The following MXD1 variants were observed in gnomAD, a reference collection of about 807,000 sequenced individuals.
MXD1 encodes the protein MAX dimerization protein 1, also known as MAX-binding protein.
A neutral mutation model predicts 25.7 loss-of-function variants in MXD1; 9 were observed. The ratio of observed to expected loss-of-function variants is 0.35; its 90% CI spans 0.21 to 0.61. The LOEUF is 0.61. Among genes scored for constraint, MXD1 ranks in the 20% least tolerant of loss-of-function variants. The pLI is 0.75. For missense variants in MXD1, 227 were observed against 292.4 expected, an observed-to-expected ratio of 0.78 and a Z score of 1.63; for synonymous variants, 99 against 113.9, an observed-to-expected ratio of 0.87 and a Z score of 0.83.
At chr2:69,927,451 C>G (rs532486044) in intron 3 of MXD1, among the ~76,000 whole-genome samples, 3 of 152,314 alleles carry the variant, frequency 2.0e-5, no homozygotes, top group African/African-American at 7.2e-5. Context: ...GAAGAACTCA[C>G]ATTTGTACCA....
At chr2:69,922,503 A>T (rs1440018942) in intron 3 of MXD1, among the ~76,000 whole-genome samples, 1 of 152,244 alleles carries the variant, frequency 6.6e-6, no homozygotes, top group Non-Finnish European at 1.5e-5. Context: ...CATTATACAC[A>T]TACACTTGTA....
At chr2:69,920,160 TG>T (rs1677038728) in intron 2 of MXD1, among the ~76,000 whole-genome samples, 1 of 152,132 alleles carries the variant, frequency 6.6e-6, no homozygotes, top group African/African-American at 2.4e-5. Context: ...GGCTAATTTT[TG>T]TATTTTAGTA....
chr2:69,928,557 A>T (rs1193725170), intron 3 of MXD1, among the ~76,000 whole-genome samples: 1 of 152,072 alleles, frequency 6.6e-6, no homozygotes, highest in African/African-American at 2.4e-5. Flanking sequence ...TAGGGACTTG[A>T]TCTTACTCAA....
At chr2:69,922,952 A>G (rs1677095206) in intron 3 of MXD1, among the ~76,000 whole-genome samples, 1 of 151,428 alleles carries the variant, frequency 6.6e-6, no homozygotes, top group South Asian at 2.1e-4. Context: ...TTCAGTAATT[A>G]TCAACATTTT....
At chr2:69,927,342 T>C (rs533636566) in intron 3 of MXD1, among the ~76,000 whole-genome samples, 3 of 152,224 alleles carry the variant, frequency 2.0e-5, no homozygotes, top group Admixed American at 6.5e-5. Context: ...CTCTGGGATG[T>C]TGTAACAAGT....
chr2:69,923,368 A>G (rs913662643), intron 3 of MXD1, among the ~76,000 whole-genome samples: 12 of 152,186 alleles, frequency 7.9e-5, no homozygotes, highest in African/African-American at 2.7e-4. Context: ...GTGCTTTCTC[A>G]GTGCCCTGCA....
chr2:69,938,073 CCTT>C (rs762136621), intron 5 of MXD1, 21 bp from the exon 6 acceptor site: 4 of 1,608,714 alleles, frequency 2.5e-6, no homozygotes, highest in Non-Finnish European at 2.5e-6. Flanking sequence ...TCATCAATGT[CCTT>C]CTCTCTTGTC....
At chr2:69,926,213 T>C (rs779470088) in intron 3 of MXD1, among the ~76,000 whole-genome samples, 1 of 152,222 alleles carries the variant, frequency 6.6e-6, no homozygotes, top group Non-Finnish European at 1.5e-5. Flanking sequence ...CTTCCCTCAC[T>C]GATTCAAGTT....
intron 2 of MXD1, among the ~76,000 whole-genome samples, chr2:69,920,836 T>C (rs983526642): frequency 3.9e-5 from 6 of 152,194 alleles, no homozygotes; most frequent in African/African-American, 7.2e-5. Flanking sequence ...AGGGGCCACA[T>C]TGACTTCTTA....
intron 2 of MXD1, among the ~76,000 whole-genome samples, chr2:69,921,436 G>T (rs781175303): frequency 1.0e-3 from 152 of 152,212 alleles, no homozygotes; most frequent in Non-Finnish European, 1.1e-3. Context: ...ACATTGCATC[G>T]TGCAGCTGTT....
intron 3 of MXD1, among the ~76,000 whole-genome samples, chr2:69,927,920 G>T (rs912794071): frequency 6.6e-6 from 1 of 152,178 alleles, no homozygotes; most frequent in East Asian, 1.9e-4. Flanking sequence ...TGTTTATAAA[G>T]GGATCATTTT....
At chr2:69,918,984 C>A (rs1677010113) in intron 2 of MXD1, among the ~76,000 whole-genome samples, 1 of 152,152 alleles carries the variant, frequency 6.6e-6, no homozygotes, top group Non-Finnish European at 1.5e-5. Context: ...ATGCTCTAGC[C>A]ATTAAGTACA....
chr2:69,942,325 G>GT lies in MXD1; in HGVS notation c.*4043dup, dbSNP rs755837435. 1.3e-5 allele frequency: 2 copies of GT among 152,118 alleles called. No individual in the cohort carries two copies. Among genetic ancestry groups the GT allele is most frequent in the Admixed American group, 6.5e-5 (1 of 15,272 alleles). The allele number at this position is 152,118 out of a possible 1,614,324, so 9.4% of individuals were successfully genotyped here. ...ATGCTTTGCTTTCAAAGATAACTGG[G>GT]TTAGAGGGTGGGGTGTGCAATAGGT... On this transcript the variant is annotated 3_prime_UTR_variant, in exon 6 of 6. Transcript: ENST00000264444.
At chr2:69,926,970 G>A (rs1318444275) in intron 3 of MXD1, among the ~76,000 whole-genome samples, 2 of 152,172 alleles carry the variant, frequency 1.3e-5, no homozygotes, top group South Asian at 2.1e-4. Flanking sequence ...CTAGAATTAG[G>A]TGCCTGGTCT....
At position 69,915,957 on chromosome 2, in the gene MXD1, C is replaced by T. The variant is rs4853161; in HGVS notation, c.74-164C>T. ...CTGCTCCGAATTGACGATATTCACACAATTTTTTTTTAAATCATTGTTCTC... is the reference window on the plus strand; with the variant it reads ...CTGCTCCGAATTGACGATATTCACATAATTTTTTTTTAAATCATTGTTCTC... On this transcript the variant is annotated intron_variant, in intron 1 of 5. Coordinates refer to ENST00000264444, the MANE Select transcript of MXD1 (RefSeq NM_002357.4). The surrounding 1 kb of genome is among the most constrained non-coding windows in gnomAD (Gnocchi z 5.8). 0.03 allele frequency among the ~76,000 whole-genome samples: 4,611 copies of T among 152,342 alleles called. 444 individuals carry two copies. The highest frequency in any genetic ancestry group is 0.2 in the Admixed American group (3,072 of 15,298).
chr2:69,922,751 G>A (rs1400588480), intron 3 of MXD1, among the ~76,000 whole-genome samples: 2 of 151,822 alleles, frequency 1.3e-5, no homozygotes, highest in African/African-American at 4.8e-5. Context: ...GTGGTGGCAC[G>A]TGCCTGTAAT....
In MXD1 at chr2:69,941,193, G is replaced by C. The variant is rs750884464; in HGVS notation, c.*2909G>C. On this transcript the variant is annotated 3_prime_UTR_variant, in exon 6 of 6. Transcript: ENST00000264444. ...GCACTCTTATTGATACCATCATAAC[G>C]CAAGTGGGAAAAATAAGAGTACGCA... is the stretch of plus-strand genomic sequence containing the variant. The C allele has an allele frequency of 2.0e-5, 3 of 152,122 alleles. No homozygotes were observed. Among genetic ancestry groups the C allele is most frequent in the African/African-American group, 7.2e-5 (3 of 41,414 alleles). The allele number at this position is 152,122 out of a possible 1,614,324, so 9.4% of individuals were successfully genotyped here.
In MXD1 at chr2:69,937,329, T is replaced by C. The variant is rs757503254; in HGVS notation, c.413T>C (p.Ile138Thr). Residue 138 changes from isoleucine (I) to threonine (T), a missense_variant, in exon 5 of 6, where the codon ATT (isoleucine) becomes ACT (threonine). Coordinates refer to ENST00000264444, the MANE Select transcript of MXD1 (RefSeq NM_002357.4). The part of the protein sequence containing the change: ...HLKRQLEKLG[I>T]ERIRMDSIGS... ...AAGAGGCAGCTGGAGAAGCTGGGCA[T>C]TGAGAGGATCCGGATGGACAGCATC... is the stretch of plus-strand genomic sequence containing the variant. 5.0e-6 allele frequency: 8 copies of C among 1,614,016 alleles called. No homozygotes were observed. The African/African-American group carries it at 9.3e-5, about 19-fold the overall frequency.
chr2:69,918,147 T>G (rs1676995053), intron 2 of MXD1, among the ~76,000 whole-genome samples: 1 of 152,212 alleles, frequency 6.6e-6, no homozygotes, highest in Admixed American at 6.5e-5. Context: ...CGGCTTTATA[T>G]CCTCAGCCAT....
Sources: gnomAD v4.1 joint callset for allele counts (sites outside exome capture counted in the v4.1 genomes callset) on GRCh38, gnomAD v4.1.1 for gene constraint, Gnocchi (gnomAD v3.1) non-coding constraint, MANE v1.5 for transcripts, NCBI Gene and HGNC (gene_info 2026-07-23, HGNC 2026-07-21) for gene names.